The following RHOT1 variants were observed in gnomAD, a reference collection of about 807,000 sequenced individuals.
The protein encoded by RHOT1 is mitochondrial Rho GTPase 1.
RHOT1 carries 27 observed loss-of-function variants against 95.3 expected under a neutral mutation model. That is an observed-to-expected ratio of 0.28 (90% CI 0.21 to 0.39). The LOEUF (loss-of-function observed/expected upper bound fraction) is 0.39, where lower values mean the gene tolerates loss of function less well. Ranked by LOEUF, RHOT1 falls within the 10% of genes least tolerant of loss-of-function variation. The probability of loss-of-function intolerance (pLI) is 1.00; values close to 1 mark genes in which losing one functional copy is unlikely to be tolerated. For synonymous variants in RHOT1, 227 were observed against 263.5 expected (o/e 0.86, Z 1.34); for missense variants, 578 against 786.7 (o/e 0.73, Z 3.17).
intron 1 of RHOT1, among the ~76,000 whole-genome samples, chr17:32,158,404 GTGTT>G (rs1399624544): frequency 2.0e-5 from 3 of 152,088 alleles, no homozygotes; most frequent in Non-Finnish European, 4.4e-5. Context: ...ATCTATTACA[GTGTT>G]TCTCAGTTTT....
intron 1 of RHOT1, among the ~76,000 whole-genome samples, chr17:32,144,524 A>G (rs995100951): frequency 1.6e-4 from 24 of 151,518 alleles, no homozygotes; most frequent in Admixed American, 1.4e-3. Flanking sequence ...GCAGCAGAGC[A>G]AGACTCTGTC....
chr17:32,155,023 G>T (rs1320954411), intron 1 of RHOT1, among the ~76,000 whole-genome samples: 1 of 152,080 alleles, frequency 6.6e-6, no homozygotes, highest in Non-Finnish European at 1.5e-5. Flanking sequence ...AGTTGAGGTT[G>T]CAGTGAGCTG....
intron 6 of RHOT1, among the ~76,000 whole-genome samples, chr17:32,178,606 CG>C (rs2035238096): frequency 6.6e-6 from 1 of 152,068 alleles, no homozygotes; most frequent in Non-Finnish European, 1.5e-5. Flanking sequence ...TCTGCCCGCC[CG>C]CCACCCCGTC....
At chr17:32,167,612 A>G (rs1567669963) in intron 1 of RHOT1, among the ~76,000 whole-genome samples, 1 of 152,212 alleles carries the variant, frequency 6.6e-6, no homozygotes, top group Non-Finnish European at 1.5e-5. Flanking sequence ...GCAAATGACC[A>G]CTGGCTTCCA....
chr17:32,207,745 C>G (rs868617262), intron 17 of RHOT1, among the ~76,000 whole-genome samples: 2 of 152,076 alleles, frequency 1.3e-5, no homozygotes, highest in Non-Finnish European at 2.9e-5. Context: ...TGCATGTGCT[C>G]AAGGACTAGA....
chr17:32,213,300 A>G (rs1018222597), intron 19 of RHOT1, among the ~76,000 whole-genome samples: 7 of 152,156 alleles, frequency 4.6e-5, no homozygotes, highest in Non-Finnish European at 1.0e-4. Flanking sequence ...CCCATTATAT[A>G]TTTCTCTAAG....
At chr17:32,187,041 C>A (rs2036113786) in intron 8 of RHOT1, among the ~76,000 whole-genome samples, 1 of 151,800 alleles carries the variant, frequency 6.6e-6, no homozygotes, top group Non-Finnish European at 1.5e-5. Flanking sequence ...AATCCCAGCA[C>A]TTTGGGAGGC....
At chr17:32,223,699 C>T (rs1350491686) in intron 19 of RHOT1, among the ~76,000 whole-genome samples, 1 of 152,004 alleles carries the variant, frequency 6.6e-6, no homozygotes, top group East Asian at 1.9e-4. Context: ...CAGGCATGAG[C>T]CACTGCACCC....
chr17:32,181,418 T>G (rs1437149703), intron 6 of RHOT1, among the ~76,000 whole-genome samples: 1 of 152,224 alleles, frequency 6.6e-6, no homozygotes, highest in African/African-American at 2.4e-5. Flanking sequence ...AATCTTCACA[T>G]CTAACCTATC....
chr17:32,219,940 A>G (rs1340541608), intron 19 of RHOT1, among the ~76,000 whole-genome samples: 1 of 152,172 alleles, frequency 6.6e-6, no homozygotes, highest in Non-Finnish European at 1.5e-5. Flanking sequence ...ACTAGGTTAG[A>G]AAAAAAACCT....
At position 32,208,199 on chromosome 17, in the gene RHOT1, T is replaced by A; in HGVS notation, c.1629T>A (p.Thr543=). 2 of 1,614,126 alleles carry A rather than the reference T, an allele frequency of 1.2e-6. No individual in the cohort carries two copies. The highest frequency in any genetic ancestry group is 1.7e-6 in the Non-Finnish European group (2 of 1,179,964). The change falls in exon 18 of 20, where the codon ACT becomes ACA. Residue 543 remains threonine, a synonymous_variant. Coordinates refer to ENST00000545287, the MANE Select transcript of RHOT1 (RefSeq NM_001033566.3). ...AACAAGAATACAGTATTTCACCTAC[T>A]GATTTCTGCAGGAAACACAAAATGC... is the stretch of plus-strand genomic sequence containing the variant. ...EVKQEYSISP[T]DFCRKHKMPP... is the part of the protein sequence containing the mutation.
chr17:32,205,474 A>G (rs2037646436), intron 16 of RHOT1, among the ~76,000 whole-genome samples: 1 of 152,232 alleles, frequency 6.6e-6, no homozygotes, highest in Non-Finnish European at 1.5e-5. Flanking sequence ...AATCAAGTTT[A>G]TTTAGCAGGG....
At chr17:32,142,785 C>A in intron 1 of RHOT1, 56 bp downstream of exon 1, 3 of 1,297,368 alleles carry the variant, frequency 2.3e-6, no homozygotes, top group Non-Finnish European at 3.1e-6. Context: ...GCCCCTGCAG[C>A]CCCTGTCGCC....
intron 1 of RHOT1, among the ~76,000 whole-genome samples, chr17:32,149,024 A>G (rs1446300026): frequency 1.3e-5 from 2 of 152,208 alleles, no homozygotes; most frequent in East Asian, 3.8e-4. Flanking sequence ...ATTGAACTGG[A>G]TCAGAAGGCC....
chr17:32,223,104 G>A (rs1218645780), intron 19 of RHOT1, among the ~76,000 whole-genome samples: 1 of 151,988 alleles, frequency 6.6e-6, no homozygotes, highest in Non-Finnish European at 1.5e-5. Context: ...AGAAACTGGT[G>A]AGGGTGAGAA....
chr17:32,182,397 G>C (rs2035713145), intron 6 of RHOT1, among the ~76,000 whole-genome samples: 1 of 152,130 alleles, frequency 6.6e-6, no homozygotes, highest in South Asian at 2.1e-4. Context: ...AGGGCAAGTG[G>C]ATCACTTGAG....
chr17:32,176,163 A>C lies in RHOT1; in HGVS notation c.279A>C (p.Val93=). ...GCGCTTGTTAATTTTCATTTTAGGT[A>C]ACAAGTCGATGGATTCCTCTCATAA... ...AVNNKHSIDK[V]TSRWIPLINE... is the part of the protein sequence containing the mutation. The change falls in exon 6 of 20, where the codon GTA becomes GTC. Residue 93 remains valine, a splice_region_variant and synonymous_variant. Transcript: ENST00000545287. The C allele has an allele frequency of 1.2e-6, 2 of 1,611,628 alleles. No homozygotes were observed. Among genetic ancestry groups the C allele is most frequent in the Non-Finnish European group, 1.7e-6 (2 of 1,179,118 alleles).
chr17:32,190,188 G>T (rs924874729), intron 8 of RHOT1, among the ~76,000 whole-genome samples: 1 of 152,066 alleles, frequency 6.6e-6, no homozygotes, highest in African/African-American at 2.4e-5. Context: ...GGGCGCAATG[G>T]ATCATGCCTG....
At chr17:32,209,286 GA>G in intron 18 of RHOT1, 2 of 848,706 alleles carry the variant, frequency 2.4e-6, no homozygotes, top group Non-Finnish European at 3.6e-6. Flanking sequence ...TATTATTATA[GA>G]ATAACCAAAA....
Sources: allele counts gnomAD v4.1 joint callset (sites outside exome capture counted in the v4.1 genomes callset), GRCh38; gene constraint gnomAD v4.1.1; transcripts MANE v1.5; gene names NCBI Gene and HGNC (gene_info 2026-07-23, HGNC 2026-07-21).